GAP43: variants seen among roughly 807,000 people sequenced by gnomAD.
GAP43 encodes growth associated protein 43.
GAP43 carries 6 observed loss-of-function variants against 18.6 expected under a neutral mutation model. The observed-to-expected ratio is 0.32, with a 90% CI of 0.18 to 0.64. The LOEUF (loss-of-function observed/expected upper bound fraction) is 0.64. Ranked by LOEUF, GAP43 falls within the 30% of genes least tolerant of loss-of-function variation. The pLI, the probability that GAP43 is intolerant of heterozygous loss-of-function variation, is 0.78. For missense variants in GAP43, 292 were observed against 295.5 expected, an observed-to-expected ratio of 0.99 and a Z score of 0.09; for synonymous variants, 115 against 111.4, an observed-to-expected ratio of 1.03 and a Z score of -0.20.
At chr3:115,674,622 T>C (rs1044999796) in intron 1 of GAP43, among the ~76,000 whole-genome samples, 3 of 152,124 alleles carry the variant, frequency 2.0e-5, no homozygotes, top group African/African-American at 7.2e-5. Flanking sequence ...TTAGTTAATA[T>C]AAGTTGCTTT....
Position 115,653,868 on chromosome 3 carries a change from T to C in GAP43, c.31-22145T>C, listed in dbSNP as rs575538353. 2.6e-5 allele frequency among the ~76,000 whole-genome samples: 4 copies of C among 152,280 alleles called. No individual in the cohort carries two copies. The South Asian group carries it at 6.2e-4, about 24-fold the overall frequency. On this transcript the variant is annotated intron_variant, in intron 1 of 2. Transcript: ENST00000305124. ...ATTTAATGAATTTTCCTATGAAAGA[T>C]AGATTCATGTATCACTTTTCAGATA...
chr3:115,702,802 A>C (rs751862833), intron 2 of GAP43, among the ~76,000 whole-genome samples: 13 of 152,172 alleles, frequency 8.5e-5, no homozygotes, highest in Admixed American at 5.2e-4. Context: ...TGGAAAGTTA[A>C]GAGTATCTGT....
intron 2 of GAP43, among the ~76,000 whole-genome samples, chr3:115,693,329 G>A (rs1268656650): frequency 6.6e-6 from 1 of 152,062 alleles, no homozygotes; most frequent in Non-Finnish European, 1.5e-5. Context: ...GTAGTCCAAG[G>A]AAATGCTGCC....
intron 2 of GAP43, among the ~76,000 whole-genome samples, chr3:115,690,340 AT>A (rs1709093645): frequency 6.6e-6 from 1 of 152,062 alleles, no homozygotes; most frequent in South Asian, 2.1e-4. Context: ...AAAGAAAAGG[AT>A]TGAGTTTCAT....
intron 2 of GAP43, among the ~76,000 whole-genome samples, chr3:115,690,190 G>T (rs944352880): frequency 6.6e-6 from 1 of 152,216 alleles, no homozygotes; most frequent in African/African-American, 2.4e-5. Flanking sequence ...CTAAGTGGCA[G>T]ATGGGGCACA....
At chr3:115,684,542 G>C (rs544200333) in intron 2 of GAP43, among the ~76,000 whole-genome samples, 9 of 151,878 alleles carry the variant, frequency 5.9e-5, no homozygotes, top group Admixed American at 5.9e-4. Context: ...AGTTCAGACT[G>C]TAGGGAAAAT....
chr3:115,630,994 G>T (rs1411266836), intron 1 of GAP43, among the ~76,000 whole-genome samples: 1 of 152,130 alleles, frequency 6.6e-6, no homozygotes, highest in Non-Finnish European at 1.5e-5. Context: ...TGGGACAGAC[G>T]ACCATTTCTG....
chr3:115,648,019 T>G (rs1424553483), intron 1 of GAP43, among the ~76,000 whole-genome samples: 1 of 152,156 alleles, frequency 6.6e-6, no homozygotes, highest in Non-Finnish European at 1.5e-5. Context: ...TGGGTCATTT[T>G]CAGTGCCTAT....
At chr3:115,689,780 G>A (rs1709080842) in intron 2 of GAP43, among the ~76,000 whole-genome samples, 1 of 152,082 alleles carries the variant, frequency 6.6e-6, no homozygotes, top group Non-Finnish European at 1.5e-5. Flanking sequence ...GTAGAAAATG[G>A]AGAAAAAAGT....
At chr3:115,633,625 C>T (rs566054063) in intron 1 of GAP43, among the ~76,000 whole-genome samples, 22 of 152,208 alleles carry the variant, frequency 1.4e-4, no homozygotes, top group African/African-American at 5.3e-4. Flanking sequence ...GATAACTGAA[C>T]CTATGAGCTT....
At chr3:115,673,307 T>C (rs377041036) in intron 1 of GAP43, among the ~76,000 whole-genome samples, 1 of 152,232 alleles carries the variant, frequency 6.6e-6, no homozygotes, top group Non-Finnish European at 1.5e-5. Context: ...GTTTATATCA[T>C]GTAGACTCTC....
Position 115,623,621 on chromosome 3 carries a change from A to AG in GAP43, c.-62dup, listed in dbSNP as rs965627927. 7.1e-5 allele frequency: 112 copies of AG among 1,586,166 alleles called. 1 individual carries two copies. Among genetic ancestry groups the AG allele is most frequent in the Admixed American group, 2.7e-4 (16 of 59,674 alleles). On this transcript the variant is annotated 5_prime_UTR_variant, in exon 1 of 3. Transcript: ENST00000305124. Reference sequence around the variant, plus strand: ...GCAAGCGAGCAGAAAAGAGGTGGAGAGGGGGGGAATAAGAAAGAGAGAGAA... The same window carrying AG: ...GCAAGCGAGCAGAAAAGAGGTGGAGAGGGGGGGGAATAAGAAAGAGAGAGAA...
intron 1 of GAP43, among the ~76,000 whole-genome samples, chr3:115,647,628 C>A (rs756517206): frequency 6.6e-6 from 1 of 151,480 alleles, no homozygotes; most frequent in Non-Finnish European, 1.5e-5. Flanking sequence ...GGTCATGGAG[C>A]CTTGAGGGGA....
chr3:115,653,121 T>A (rs1221304437), intron 1 of GAP43, among the ~76,000 whole-genome samples: 3 of 152,168 alleles, frequency 2.0e-5, no homozygotes, highest in African/African-American at 7.2e-5. Context: ...ACAGGGCATA[T>A]AAATTTTTGT....
At chr3:115,626,482 G>A (rs1708189869) in intron 1 of GAP43, among the ~76,000 whole-genome samples, 1 of 152,046 alleles carries the variant, frequency 6.6e-6, no homozygotes, top group South Asian at 2.1e-4. Context: ...GAATGAGAGT[G>A]GGGTAGAGAT....
chr3:115,694,852 T>C (rs1326088510), intron 2 of GAP43, among the ~76,000 whole-genome samples: 2 of 152,246 alleles, frequency 1.3e-5, no homozygotes, highest in Non-Finnish European at 2.9e-5. Context: ...GCTATTCATG[T>C]CATGATTGGG....
At chr3:115,652,811 T>C (rs1034364250) in intron 1 of GAP43, among the ~76,000 whole-genome samples, 2 of 152,206 alleles carry the variant, frequency 1.3e-5, no homozygotes, top group Non-Finnish European at 1.5e-5. Flanking sequence ...AATGAATAGA[T>C]ATGAAGTGTA....
chr3:115,662,596 C>G (rs1295184446), intron 1 of GAP43, among the ~76,000 whole-genome samples: 1 of 152,110 alleles, frequency 6.6e-6, no homozygotes, highest in African/African-American at 2.4e-5. Flanking sequence ...ATGGGAAATT[C>G]TTGGTTTCTG....
chr3:115,656,848 A>G (rs779202224), intron 1 of GAP43, among the ~76,000 whole-genome samples: 2 of 152,230 alleles, frequency 1.3e-5, no homozygotes, highest in Non-Finnish European at 1.5e-5. Flanking sequence ...CTGAAATTCT[A>G]TATGTTTGCA....
Sources: allele counts gnomAD v4.1 joint callset (sites outside exome capture counted in the v4.1 genomes callset), GRCh38; gene constraint gnomAD v4.1.1; transcripts MANE v1.5; gene names NCBI Gene and HGNC (gene_info 2026-07-23, HGNC 2026-07-21).